The following TGFBI variants were observed in gnomAD, a reference collection of about 807,000 sequenced individuals.
TGFBI encodes transforming growth factor beta induced.
Under a neutral mutation model 73.7 loss-of-function variants are expected in TGFBI, and 50 were observed. That is an observed-to-expected ratio of 0.68 (90% CI 0.54 to 0.86). The LOEUF (loss-of-function observed/expected upper bound fraction) is 0.86, where lower values mean the gene tolerates loss of function less well. Among genes scored for constraint, TGFBI ranks in the 40% least tolerant of loss-of-function variants. The probability of loss-of-function intolerance (pLI) is 0.00; values close to 1 mark genes in which losing one functional copy is unlikely to be tolerated. For missense variants in TGFBI, 839 were observed against 877.0 expected (o/e 0.96, Z 0.55); for synonymous variants, 362 against 360.5 (o/e 1.00, Z -0.05).
intron 15 of TGFBI, among the ~76,000 whole-genome samples, chr5:136,062,013 T>C (rs6886556): frequency 0.38 from 58,509 of 151,988 alleles, 12,392 homozygotes; most frequent in African/African-American, 0.57. Context: ...GGGCACTGTA[T>C]GTATTCTGGA....
intron 11 of TGFBI, chr5:136,056,432 G>T: frequency 4.0e-6 from 2 of 505,274 alleles, no homozygotes. Context: ...GGCCTCTGAC[G>T]TCTGGCCATT....
At chr5:136,049,413 C>A (rs370850662) in intron 6 of TGFBI, 26 bp from the exon 7 acceptor site, 1 of 1,611,024 alleles carries the variant, frequency 6.2e-7, no homozygotes, top group Non-Finnish European at 8.5e-7. Flanking sequence ...CTTCAGGGAG[C>A]ACTCCATCTT....
intron 5 of TGFBI, 50 bp downstream of exon 5, chr5:136,047,065 A>C (rs1751442801): frequency 1.9e-6 from 3 of 1,597,830 alleles, no homozygotes; most frequent in Non-Finnish European, 2.6e-6. Flanking sequence ...TAATGAACCC[A>C]TTTCTGTTCC....
chr5:136,029,223 G>C, intron 1 of TGFBI, 34 bp downstream of exon 1: 2 of 1,440,340 alleles, frequency 1.4e-6, no homozygotes, highest in Non-Finnish European at 1.8e-6. Context: ...GGCTGCGGAA[G>C]GTCAGGTAGT....
intron 2 of TGFBI, among the ~76,000 whole-genome samples, chr5:136,043,187 G>A (rs1751370065): frequency 6.6e-6 from 1 of 152,162 alleles, no homozygotes; most frequent in Non-Finnish European, 1.5e-5. Flanking sequence ...GCAGAACCTG[G>A]GGATTTGGTT....
chr5:136,061,668 C>A (rs781153888), intron 15 of TGFBI, 89 bp downstream of exon 15: 3 of 1,075,688 alleles, frequency 2.8e-6, no homozygotes, highest in East Asian at 2.4e-5. Flanking sequence ...CCCTGTCTTC[C>A]TTGGCTGCTC....
Position 136,059,743 on chromosome 5 carries a change from C to A in TGFBI, c.1803+529C>A, listed in dbSNP as rs556484359. On this transcript the variant is annotated intron_variant, in intron 13 of 16. Transcript: ENST00000442011. ...CCAGAAATCTCCCTGGCTGCACCTG[C>A]AGAGGCCACTGACCCCTCTGTGGAG... 2.6e-5 allele frequency among the ~76,000 whole-genome samples: 4 copies of A among 152,322 alleles called. No homozygotes were observed. The East Asian group carries it at 7.7e-4, about 29-fold the overall frequency.
At chr5:136,062,577 G>C (rs1751766548) in intron 15 of TGFBI, 86 bp from the exon 16 acceptor site, 3 of 1,374,610 alleles carry the variant, frequency 2.2e-6, no homozygotes, top group Non-Finnish European at 3.0e-6. Flanking sequence ...TTTCTGAGTA[G>C]GGGTGGCAAT....
chr5:136,056,649 G>A lies in TGFBI; in HGVS notation c.1548-16G>A. ...TACCTGTTGACAGGTGACATTTTCT[G>A]TGTGTGTATCTACAGCATGCTGGTA... On this transcript the variant is annotated splice_polypyrimidine_tract_variant and intron_variant, in intron 11 of 16. Coordinates refer to ENST00000442011, the MANE Select transcript of TGFBI (RefSeq NM_000358.3). 1 of 1,613,736 alleles carries A rather than the reference G, an allele frequency of 6.2e-7. No homozygotes were observed.
In TGFBI at chr5:136,046,319, T is replaced by C. The variant is rs1038911057; in HGVS notation, c.299-16T>C. 33 of 1,613,682 alleles carry C rather than the reference T, an allele frequency of 2.0e-5. No homozygotes were observed. Among genetic ancestry groups the C allele is most frequent in the African/African-American group, 1.1e-4 (8 of 74,898 alleles). ...CCCCCAGAGGCCATCCCTCCTTCTG[T>C]CTTCTGCTCCTGCAGCCCTACCACT... On this transcript the variant is annotated splice_polypyrimidine_tract_variant and intron_variant, in intron 3 of 16. Transcript: ENST00000442011.
Position 136,056,664 on chromosome 5 carries a change from G to A in TGFBI, c.1548-1G>A. 1.2e-6 allele frequency: 2 copies of A among 1,613,850 alleles called. No homozygotes were observed. Among genetic ancestry groups the A allele is most frequent in the Non-Finnish European group, 1.7e-6 (2 of 1,179,864 alleles). Reference sequence around the variant, plus strand: ...GACATTTTCTGTGTGTGTATCTACAGCATGCTGGTAGCTGCCATCCAGTCT... The same window carrying A: ...GACATTTTCTGTGTGTGTATCTACAACATGCTGGTAGCTGCCATCCAGTCT... On this transcript the variant is annotated splice_acceptor_variant, in intron 11 of 16. Transcript: ENST00000442011. LOFTEE classifies it high-confidence loss of function.
intron 13 of TGFBI, 129 bp downstream of exon 13, chr5:136,059,343 C>A: frequency 1.5e-6 from 2 of 1,339,660 alleles, no homozygotes; most frequent in East Asian, 2.6e-5. Context: ...GAGTGTAATT[C>A]GTCCAAAGAA....
intron 3 of TGFBI, among the ~76,000 whole-genome samples, chr5:136,045,203 C>T (rs986822161): frequency 1.3e-5 from 2 of 151,982 alleles, no homozygotes; most frequent in Non-Finnish European, 2.9e-5. Flanking sequence ...GCCAAGAATT[C>T]GAGACCAGCA....
chr5:136,045,283 C>T (rs1211336711), intron 3 of TGFBI, among the ~76,000 whole-genome samples: 1 of 152,160 alleles, frequency 6.6e-6, no homozygotes, highest in Non-Finnish European at 1.5e-5. Context: ...TGGCTCACGC[C>T]TGTAATCCTA....
rs774207585 is a variant in TGFBI, at chr5:136,060,861, G to A, written c.1831G>A (p.Glu611Lys). The A allele has an allele frequency of 6.2e-6, 10 of 1,602,106 alleles. No homozygotes were observed. In the South Asian group the frequency reaches 7.8e-5, roughly 13 times the overall value. ...LKNNVVSVNKEPVAEPDIMAT... is the reference protein window; with the variant it reads ...LKNNVVSVNKKPVAEPDIMAT... ...AAACAATGTGGTGAGTGTCAACAAG[G>A]AGCCTGTTGCCGAGCCTGACATCAT... The change falls in exon 14 of 17, where the codon GAG becomes AAG. Residue 611 changes from glutamate (E) to lysine (K), a missense_variant. Transcript: ENST00000442011.
rs1302852365 is a variant in TGFBI at position 136,058,945 on chromosome 5, T to A, written c.1679-145T>A. 2.6e-5 allele frequency: 26 copies of A among 986,902 alleles called. No homozygotes were observed. In the East Asian group the frequency reaches 6.7e-4, roughly 25 times the overall value. 61.1% of individuals were successfully genotyped at this position (986,902 alleles called of 1,614,324 possible). A position where few individuals can be genotyped will look rare whatever the true frequency, so the allele number is the denominator to read the frequency against. Reference sequence around the variant, plus strand: ...GTGGGTCACAACGTTGAGTATACAGTGGGAGCTTAATAAGTGCTTATTCCC... The same window carrying A: ...GTGGGTCACAACGTTGAGTATACAGAGGGAGCTTAATAAGTGCTTATTCCC... On this transcript the variant is annotated intron_variant, in intron 12 of 16. Transcript: ENST00000442011.
rs1369894225 is a variant in TGFBI at position 136,055,769 on chromosome 5, C to G, written c.1500C>G (p.Pro500=). 1 of 1,612,584 alleles carries G rather than the reference C, an allele frequency of 6.2e-7. No homozygotes were observed. Among genetic ancestry groups the G allele is most frequent in the Non-Finnish European group, 8.5e-7 (1 of 1,179,070 alleles). ...TCACGATGGACCGGGTGCTGACCCC[C>G]CCAATGGGGACTGTCATGGATGTCC... The part of the protein sequence containing the change: ...TLFTMDRVLT[P]PMGTVMDVLK... Residue 500 remains proline (P), a synonymous_variant, in exon 11 of 17, where the codon CCC becomes CCG. Coordinates refer to ENST00000442011, the MANE Select transcript of TGFBI (RefSeq NM_000358.3).
intron 2 of TGFBI, among the ~76,000 whole-genome samples, chr5:136,041,522 T>A (rs1402838073): frequency 6.6e-6 from 1 of 152,144 alleles, no homozygotes; most frequent in East Asian, 1.9e-4. Flanking sequence ...CCTCCAAACG[T>A]GCATTTTCAA....
intron 1 of TGFBI, among the ~76,000 whole-genome samples, chr5:136,030,795 G>A (rs893976040): frequency 7.3e-4 from 111 of 152,070 alleles, no homozygotes; most frequent in African/African-American, 2.6e-3. Flanking sequence ...CTGTATCTTC[G>A]CCACTAAGTC....
Sources: allele counts gnomAD v4.1 joint callset (sites outside exome capture counted in the v4.1 genomes callset), GRCh38; gene constraint gnomAD v4.1.1; transcripts MANE v1.5; gene names NCBI Gene and HGNC (gene_info 2026-07-23, HGNC 2026-07-21).